Variants in PTCH1 observed in about 807,000 individuals in gnomAD.
PTCH1 encodes protein patched homolog 1.
PTCH1 carries 14 observed loss-of-function variants against 144.6 expected under a neutral mutation model. The observed-to-expected ratio is 0.10, with a 90% confidence interval of 0.06 to 0.15. The LOEUF (loss-of-function observed/expected upper bound fraction) is 0.15, where lower values mean the gene tolerates loss of function less well. Among genes scored for constraint, PTCH1 ranks in the 10% least tolerant of loss-of-function variants. PTCH1 has a pLI of 1.00. For synonymous variants in PTCH1, 833 were observed against 793.6 expected, an observed-to-expected ratio of 1.05 and a Z score of -0.83; for missense variants, 1,623 against 1,948.3, an observed-to-expected ratio of 0.83 and a Z score of 3.14.
intron 15 of PTCH1, 124 bp downstream of exon 15, chr9:95,466,992 A>T: frequency 1.8e-6 from 2 of 1,114,840 alleles, no homozygotes; most frequent in Non-Finnish European, 2.6e-6. Context: ...AGCAACTCTT[A>T]AAAGTCCATG....
rs59205702 is a variant in PTCH1, at chr9:95,444,509, G to GCACACACACACACA, written c.*1870_*1883dup. 6.7e-6 allele frequency: 1 copy of GCACACACACACACA among 149,002 alleles called. No individual in the cohort carries two copies. Among genetic ancestry groups the GCACACACACACACA allele is most frequent in the African/African-American group, 2.5e-5 (1 of 40,694 alleles). 9.2% of individuals were successfully genotyped at this position (149,002 alleles called of 1,614,324 possible). On this transcript the variant is annotated 3_prime_UTR_variant, in exon 24 of 24. Transcript: ENST00000331920. ...CAGAGACACACACACACGCACGCAC[G>GCACACACACACACA]CACACACACACACACACACCCAGCA...
rs202136156 is a variant in PTCH1, at chr9:95,478,147, C to A, written c.1255G>T (p.Val419Leu). Residue 419 changes from valine (V) to leucine (L), a missense_variant, in exon 9 of 24, where the codon GTG (valine) becomes TTG (leucine). Coordinates refer to ENST00000331920, the MANE Select transcript of PTCH1 (RefSeq NM_000264.5). ...QSVAQNSTQK[V>L]LSFTTTTLDD... The stretch of plus-strand genomic sequence containing the variant: ...AGGGTCGTGGTGGTGAAGGAAAGCA[C>A]CTTTTGAGTGGAGTTCTGTGCGACA... 1 of 1,614,116 alleles carries A rather than the reference C, an allele frequency of 6.2e-7. No individual in the cohort carries two copies. Among genetic ancestry groups the A allele is most frequent in the Non-Finnish European group, 8.5e-7 (1 of 1,180,042 alleles).
chr9:95,478,036 G>A lies in PTCH1; in HGVS notation c.1347+19C>T, dbSNP rs748811098. Reference sequence around the variant, plus strand: ...CCAAACCAAACTCCAGCCCCCAGGAGCATGGCATCGAGCGTTACCATGAGT... The same window carrying A: ...CCAAACCAAACTCCAGCCCCCAGGAACATGGCATCGAGCGTTACCATGAGT... On this transcript the variant is annotated intron_variant, in intron 9 of 23. Transcript: ENST00000331920. 1.3e-5 allele frequency: 21 copies of A among 1,614,178 alleles called. No individual in the cohort carries two copies. Among genetic ancestry groups the A allele is most frequent in the Non-Finnish European group, 1.8e-5 (21 of 1,180,016 alleles).
At chr9:95,499,351 G>C (rs779158406) in intron 2 of PTCH1, among the ~76,000 whole-genome samples, 2 of 150,914 alleles carry the variant, frequency 1.3e-5, no homozygotes, top group Non-Finnish European at 2.9e-5. Flanking sequence ...CAGCTGGCTT[G>C]AAATAATAAA....
intron 2 of PTCH1, among the ~76,000 whole-genome samples, chr9:95,498,754 G>A (rs1334773407): frequency 6.6e-6 from 1 of 152,194 alleles, no homozygotes; most frequent in Non-Finnish European, 1.5e-5. Flanking sequence ...TGATGACCCT[G>A]ATTATATCTG....
intron 18 of PTCH1, among the ~76,000 whole-genome samples, chr9:95,457,684 T>C (rs1839059694): frequency 1.3e-5 from 2 of 152,168 alleles, no homozygotes; most frequent in African/African-American, 2.4e-5. Flanking sequence ...GGTCACAAAA[T>C]GACACTTTTC....
intron 1 of PTCH1, among the ~76,000 whole-genome samples, chr9:95,516,128 C>T (rs1385809295): frequency 6.6e-6 from 1 of 151,888 alleles, no homozygotes; most frequent in Non-Finnish European, 1.5e-5. Context: ...AAAATGGGAG[C>T]TCCGGCGACC....
Position 95,476,919 on chromosome 9 carries a change from A to C in PTCH1, c.1504-62T>G. ...CGAGATGCAATTCAGATGATTCTAA[A>C]GCTAGTTAGGACTCTGCCACCAGCA... On this transcript the variant is annotated intron_variant, in intron 10 of 23. Coordinates refer to ENST00000331920, the MANE Select transcript of PTCH1 (RefSeq NM_000264.5). The surrounding 1 kb of genome is among the most constrained non-coding windows in gnomAD (Gnocchi z 4.6). 2 of 1,504,292 alleles carry C rather than the reference A, an allele frequency of 1.3e-6. No individual in the cohort carries two copies. The highest frequency in any genetic ancestry group is 1.8e-6 in the Non-Finnish European group (2 of 1,091,288). The allele number at this position is 1,504,292 out of a possible 1,614,324, so 93.2% of individuals were successfully genotyped here.
chr9:95,449,665 C>G lies in PTCH1; in HGVS notation c.3549+176G>C. ...TTGATTTAGAGGAACCAAACCGAAC[C>G]CGCCCTCTAGCCCTCAAAGCCAGTA... is the stretch of plus-strand genomic sequence containing the variant. On this transcript the variant is annotated intron_variant, in intron 21 of 23. Transcript: ENST00000331920. This position sits in a 1 kb window ranked among gnomAD's most constrained non-coding sequence, Gnocchi z 5.3. 1.4e-6 allele frequency: 1 copy of G among 730,464 alleles called. No homozygotes were observed. The highest frequency in any genetic ancestry group is 2.3e-5 in the Admixed American group (1 of 42,664). 45.2% of individuals were successfully genotyped at this position (730,464 alleles called of 1,614,324 possible). A position where few individuals can be genotyped will look rare whatever the true frequency, so the allele number is the denominator to read the frequency against.
At chr9:95,511,985 GTGTTTCGTC>G (rs1431238738), upstream of PTCH1, among the ~76,000 whole-genome samples, 1 of 152,192 alleles carries the variant, frequency 6.6e-6, no homozygotes, top group Non-Finnish European at 1.5e-5. Flanking sequence ...AAAACTATTA[GTGTTTCGTC>G]TCAATCTTTT....
At chr9:95,468,320 G>A (rs1840219818) in intron 14 of PTCH1, among the ~76,000 whole-genome samples, 1 of 152,152 alleles carries the variant, frequency 6.6e-6, no homozygotes, top group Admixed American at 6.5e-5. Context: ...GCCTCCCAGA[G>A]TGCTGGGATT....
chr9:95,510,744 AGAAAGAAAG>A (rs1221738833), upstream of PTCH1, among the ~76,000 whole-genome samples: 1 of 139,042 alleles, frequency 7.2e-6, no homozygotes, highest in African/African-American at 3.4e-5. Context: ...AAAAAAAAGA[AGAAAGAAAG>A]GAAAGGAAAG....
intron 5 of PTCH1, among the ~76,000 whole-genome samples, chr9:95,481,050 C>G (rs1220362921): frequency 6.6e-6 from 1 of 152,166 alleles, no homozygotes; most frequent in Non-Finnish European, 1.5e-5. Context: ...TCTCTGACAG[C>G]CTGGCAATGG....
chr9:95,461,328 G>C (rs931577411), intron 16 of PTCH1, among the ~76,000 whole-genome samples: 1 of 152,152 alleles, frequency 6.6e-6, no homozygotes, highest in Non-Finnish European at 1.5e-5. Context: ...ACTCATCACA[G>C]AGCGATCTGT....
At chr9:95,454,417 T>C (rs1163867817) in intron 19 of PTCH1, among the ~76,000 whole-genome samples, 2 of 152,182 alleles carry the variant, frequency 1.3e-5, no homozygotes, top group Non-Finnish European at 2.9e-5. Flanking sequence ...TTCTATCCCT[T>C]ACCTACCTGC....
chr9:95,506,312 C>T, intron 2 of PTCH1, 95 bp downstream of exon 2: 2 of 1,404,572 alleles, frequency 1.4e-6, no homozygotes, highest in Non-Finnish European at 1.9e-6. Flanking sequence ...TTTCGCCGGC[C>T]GCAGCCAGGC....
intron 2 of PTCH1, among the ~76,000 whole-genome samples, chr9:95,487,414 T>G (rs1842054648): frequency 6.6e-6 from 1 of 152,204 alleles, no homozygotes; most frequent in Non-Finnish European, 1.5e-5. Flanking sequence ...AGGAAAACAC[T>G]GGGAAACAAC....
At chr9:95,515,184 G>A (rs897988320) in intron 1 of PTCH1, among the ~76,000 whole-genome samples, 1 of 152,104 alleles carries the variant, frequency 6.6e-6, no homozygotes, top group Non-Finnish European at 1.5e-5. Flanking sequence ...AACTACTGTC[G>A]CCAATAAACA....
Position 95,508,228 on chromosome 9 carries a change from G to A in PTCH1, c.134C>T (p.Pro45Leu). ...GGGCCGGTGCAGATAGTCCCGGTCC[G>A]GCGCGGCAGCACGGCGCAGCCCCCC... ...RTGGLRRAAAPDRDYLHRPSY... is the reference protein window; with the variant it reads ...RTGGLRRAAALDRDYLHRPSY... Residue 45 changes from proline to leucine, a missense_variant, in exon 1 of 24, where the codon CCG becomes CTG. By Grantham distance (98) the Pro-to-Leu change is moderately conservative (BLOSUM62 -3). This residue lies in a region of PTCH1 where 245 missense variants were observed against 240.6 expected (regional missense o/e 1.02). Coordinates refer to ENST00000331920, the MANE Select transcript of PTCH1 (RefSeq NM_000264.5). 6.2e-7 allele frequency: 1 copy of A among 1,610,842 alleles called. No homozygotes were observed. The highest frequency in any genetic ancestry group is 8.5e-7 in the Non-Finnish European group (1 of 1,179,436).
Sources: allele counts gnomAD v4.1 joint callset (sites outside exome capture counted in the v4.1 genomes callset), GRCh38; gene constraint gnomAD v4.1.1; regional missense constraint gnomAD v4.1.1; non-coding constraint Gnocchi (gnomAD v3.1); transcripts MANE v1.5; gene names NCBI Gene and HGNC (gene_info 2026-07-23, HGNC 2026-07-21).